The following EVA1A variants were observed in gnomAD, a reference collection of about 807,000 sequenced individuals.
EVA1A encodes protein eva-1 homolog A.
In EVA1A, 7 loss-of-function variants were observed where a neutral mutation model predicts 9.8. That is an observed-to-expected ratio of 0.71 (90% confidence interval 0.41 to 1.34). The LOEUF is 1.34. Among genes scored for constraint, EVA1A ranks in the 40% most tolerant of loss-of-function variants. The pLI is 0.01. For synonymous variants in EVA1A, 90 were observed against 85.6 expected, an observed-to-expected ratio of 1.05 and a Z score of -0.28; for missense variants, 206 against 205.9, an observed-to-expected ratio of 1.00 and a Z score of 0.00.
At chr2:75,532,120 A>G (rs2103896884) in intron 1 of EVA1A, among the ~76,000 whole-genome samples, 1 of 135,466 alleles carries the variant, frequency 7.4e-6, no homozygotes, top group Non-Finnish European at 1.6e-5. Flanking sequence ...AGATCAGGCC[A>G]TTGCACTCCA....
At chr2:75,558,972 G>T (rs1283649641) in intron 1 of EVA1A, among the ~76,000 whole-genome samples, 1 of 152,190 alleles carries the variant, frequency 6.6e-6, no homozygotes, top group African/African-American at 2.4e-5. Flanking sequence ...TGTGGATTTG[G>T]CAACAGAATT....
chr2:75,565,673 T>C (rs1441239561), upstream of EVA1A, among the ~76,000 whole-genome samples: 1 of 152,208 alleles, frequency 6.6e-6, no homozygotes, highest in African/African-American at 2.4e-5. Context: ...CTCTTATTAA[T>C]TCCAGAAGTA....
upstream of EVA1A, among the ~76,000 whole-genome samples, chr2:75,562,097 A>T (rs1251469202): frequency 6.6e-6 from 1 of 152,220 alleles, no homozygotes; most frequent in East Asian, 1.9e-4. Context: ...CCACTGGATT[A>T]GTATCTGCAG....
chr2:75,511,273 GTTC>G (rs775461740), intron 3 of EVA1A, among the ~76,000 whole-genome samples: 12 of 152,106 alleles, frequency 7.9e-5, no homozygotes, highest in Non-Finnish European at 1.5e-4. Flanking sequence ...TGTTCCCACA[GTTC>G]TTCTTTGGGG....
intron 3 of EVA1A, among the ~76,000 whole-genome samples, chr2:75,509,111 G>A (rs567579325): frequency 6.6e-6 from 1 of 152,260 alleles, no homozygotes; most frequent in Non-Finnish European, 1.5e-5. Flanking sequence ...ATAATACTGG[G>A]TGGTGGACAC....
intron 3 of EVA1A, among the ~76,000 whole-genome samples, chr2:75,513,593 T>C (rs1348556210): frequency 6.6e-6 from 1 of 152,214 alleles, no homozygotes; most frequent in African/African-American, 2.4e-5. Context: ...TCCATACTCA[T>C]TGTAGCCCTA....
At chr2:75,493,913 C>T (rs942663357) in intron 3 of EVA1A, among the ~76,000 whole-genome samples, 10 of 152,264 alleles carry the variant, frequency 6.6e-5, no homozygotes, top group East Asian at 1.9e-4. Context: ...CGCAAGCAGC[C>T]GTGCTTAGGT....
At chr2:75,503,405 T>C (rs1284604882) in intron 3 of EVA1A, among the ~76,000 whole-genome samples, 1 of 152,170 alleles carries the variant, frequency 6.6e-6, no homozygotes, top group Non-Finnish European at 1.5e-5. Flanking sequence ...AAAATAAATG[T>C]ATTGCTGTAT....
intron 3 of EVA1A, among the ~76,000 whole-genome samples, chr2:75,503,145 C>T (rs908920909): frequency 7.9e-5 from 12 of 152,108 alleles, no homozygotes; most frequent in African/African-American, 2.2e-4. Flanking sequence ...TCACTGGATC[C>T]CAAGCTGGTG....
chr2:75,546,427 G>A (rs1346956847), intron 1 of EVA1A, among the ~76,000 whole-genome samples: 1 of 152,130 alleles, frequency 6.6e-6, no homozygotes, highest in Admixed American at 6.5e-5. Context: ...TGCAGTGAAT[G>A]AAGATGAGAG....
At chr2:75,519,830 C>A (rs990020392) in intron 2 of EVA1A, among the ~76,000 whole-genome samples, 1 of 152,204 alleles carries the variant, frequency 6.6e-6, no homozygotes, top group Non-Finnish European at 1.5e-5. Context: ...CCTGTCTCCA[C>A]TAATGTTACC....
intron 1 of EVA1A, among the ~76,000 whole-genome samples, chr2:75,548,418 A>C (rs1572988377): frequency 6.6e-6 from 1 of 152,092 alleles, no homozygotes; most frequent in South Asian, 2.1e-4. Flanking sequence ...TATAGGTGTG[A>C]GCCACCCTGC....
chr2:75,559,110 T>C (rs762467469), intron 1 of EVA1A, among the ~76,000 whole-genome samples: 5 of 152,154 alleles, frequency 3.3e-5, no homozygotes, highest in Non-Finnish European at 5.9e-5. Flanking sequence ...CCTGGGCTTC[T>C]CAACCTCAGC....
chr2:75,518,188 G>T lies in EVA1A; in HGVS notation c.-48C>A, dbSNP rs780150119. On this transcript the variant is annotated 5_prime_UTR_variant, in exon 3 of 4. Coordinates refer to ENST00000393913, the MANE Select transcript of EVA1A (RefSeq NM_001135032.2). ...TGGAGGTGCTTGGCTGAATCAACGT[G>T]GCCACTCTCCTTCTTCTCTTCTGTT... The T allele has an allele frequency of 2.6e-5, 41 of 1,603,760 alleles. No individual in the cohort carries two copies. In the South Asian group the frequency reaches 4.5e-4, roughly 18 times the overall value.
chr2:75,537,825 C>G (rs1271834570), intron 1 of EVA1A, among the ~76,000 whole-genome samples: 1 of 152,126 alleles, frequency 6.6e-6, no homozygotes, highest in Non-Finnish European at 1.5e-5. Context: ...GCCTGCTGTC[C>G]CTTAGTCTTC....
chr2:75,525,660 T>C (rs1260927653), intron 1 of EVA1A, among the ~76,000 whole-genome samples: 1 of 152,232 alleles, frequency 6.6e-6, no homozygotes, highest in Non-Finnish European at 1.5e-5. Context: ...AGGCTAAGAT[T>C]GTCAGACATG....
intron 3 of EVA1A, among the ~76,000 whole-genome samples, chr2:75,500,572 C>T (rs1674378132): frequency 6.6e-6 from 1 of 151,950 alleles, no homozygotes; most frequent in Admixed American, 6.5e-5. Context: ...TTAAGAGATA[C>T]ATTTCCTGTA....
At chr2:75,495,990 C>CCCA (rs1218366911) in intron 3 of EVA1A, among the ~76,000 whole-genome samples, 1 of 152,152 alleles carries the variant, frequency 6.6e-6, no homozygotes, top group Non-Finnish European at 1.5e-5. Context: ...GGCAAACAAA[C>CCCA]CCAAGTCTAT....
chr2:75,563,079 G>A (rs183969600), upstream of EVA1A, among the ~76,000 whole-genome samples: 2 of 152,308 alleles, frequency 1.3e-5, no homozygotes, highest in Admixed American at 6.5e-5. Flanking sequence ...CTGCTAATAT[G>A]TGTTGGTACT....
Sources: gnomAD v4.1 joint callset for allele counts (sites outside exome capture counted in the v4.1 genomes callset) on GRCh38, gnomAD v4.1.1 for gene constraint, MANE v1.5 for transcripts, NCBI Gene and HGNC (gene_info 2026-07-23, HGNC 2026-07-21) for gene names.